MYZAP: variants seen among roughly 807,000 people sequenced by gnomAD.
MYZAP encodes myocardial zonula adherens protein.
In MYZAP, 66 loss-of-function variants were observed where a neutral mutation model predicts 69.4. The ratio of observed to expected loss-of-function variants is 0.95; its 90% confidence interval spans 0.78 to 1.17. The LOEUF (loss-of-function observed/expected upper bound fraction) is 1.17. Among genes scored for constraint, MYZAP ranks in the 50% most tolerant of loss-of-function variants. MYZAP has a pLI of 0.00. For missense variants in MYZAP, 611 were observed against 556.2 expected (o/e 1.10, Z -0.99); for synonymous variants, 256 against 205.9 (o/e 1.24, Z -2.09).
chr15:57,625,728 C>T (rs779359863), intron 4 of MYZAP, 51 bp from the exon 5 acceptor site: 9 of 1,548,646 alleles, frequency 5.8e-6, no homozygotes, highest in Admixed American at 1.7e-5. Flanking sequence ...TGAAGATTGT[C>T]GTGAACGTGT....
At chr15:57,664,074 T>G (rs2038448642) in intron 11 of MYZAP, among the ~76,000 whole-genome samples, 1 of 151,728 alleles carries the variant, frequency 6.6e-6, no homozygotes, top group African/African-American at 2.4e-5. Flanking sequence ...GTTCTTGTTT[T>G]TTTTTTTTTT....
At chr15:57,678,769 G>A (rs1354879209) in intron 12 of MYZAP, among the ~76,000 whole-genome samples, 1 of 152,068 alleles carries the variant, frequency 6.6e-6, no homozygotes, top group African/African-American at 2.4e-5. Flanking sequence ...TTGTAGAATA[G>A]CATGGCCTCT....
rs2035184989 is a variant in MYZAP at position 57,612,739 on chromosome 15, A to G, written c.163-5294A>G. ...TGTAGCTGCTCTTTCTTTCTAAGGCACTGGCTGCCAGATGTATCTTTAGGG... is the reference window on the plus strand; with the variant it reads ...TGTAGCTGCTCTTTCTTTCTAAGGCGCTGGCTGCCAGATGTATCTTTAGGG... On this transcript the variant is annotated intron_variant, in intron 2 of 12. Transcript: ENST00000267853. Among the ~76,000 whole-genome samples, 4 of 152,180 alleles carry G rather than the reference A, an allele frequency of 2.6e-5. No homozygotes were observed. The South Asian group carries it at 8.3e-4, about 32-fold the overall frequency.
chr15:57,679,651 G>A (rs1348825880), intron 12 of MYZAP, among the ~76,000 whole-genome samples: 2 of 152,080 alleles, frequency 1.3e-5, no homozygotes, highest in Admixed American at 1.3e-4. Context: ...TCCTTCTCCA[G>A]CTTCTCTGAT....
chr15:57,664,667 A>T (rs906503330), intron 11 of MYZAP, among the ~76,000 whole-genome samples: 1 of 152,234 alleles, frequency 6.6e-6, no homozygotes, highest in Admixed American at 6.5e-5. Flanking sequence ...ATATCTAATT[A>T]ATACCTCCTA....
At chr15:57,673,506 G>C (rs1247697478) in intron 11 of MYZAP, among the ~76,000 whole-genome samples, 1 of 150,812 alleles carries the variant, frequency 6.6e-6, no homozygotes, top group Non-Finnish European at 1.5e-5. Flanking sequence ...GTGTGTGTGT[G>C]TGTGTGTGTG....
chr15:57,626,760 T>C (rs1242048802), intron 5 of MYZAP, among the ~76,000 whole-genome samples: 1 of 152,252 alleles, frequency 6.6e-6, no homozygotes, highest in Non-Finnish European at 1.5e-5. Context: ...ATGTTGGGAT[T>C]CTCCACTTCC....
chr15:57,599,647 G>A lies in MYZAP; in HGVS notation c.76-4622G>A, dbSNP rs547514399. Reference sequence around the variant, plus strand: ...CTGCCAAGCCTGGGGCATCTCTGGAGATTGTGTATCCGAGTTTCAGGAGAC... The same window carrying A: ...CTGCCAAGCCTGGGGCATCTCTGGAAATTGTGTATCCGAGTTTCAGGAGAC... On this transcript the variant is annotated intron_variant, in intron 1 of 12. Transcript: ENST00000267853. The A allele has an allele frequency of 2.3e-6, 3 of 1,289,224 alleles. No homozygotes were observed. In the African/African-American group the frequency reaches 4.5e-5, roughly 20 times the overall value. The allele number at this position is 1,289,224 out of a possible 1,614,324, so 79.9% of individuals were successfully genotyped here. A position where few individuals can be genotyped will look rare whatever the true frequency, so the allele number is the denominator to read the frequency against.
intron 10 of MYZAP, among the ~76,000 whole-genome samples, chr15:57,655,415 T>G (rs1399201490): frequency 6.6e-6 from 1 of 152,134 alleles, no homozygotes; most frequent in Non-Finnish European, 1.5e-5. Context: ...GCCATGCTAG[T>G]GAGTTCGAAC....
chr15:57,647,131 A>G (rs2037485689), intron 10 of MYZAP: 1 of 985,466 alleles, frequency 1.0e-6, no homozygotes, highest in Non-Finnish European at 1.2e-6. Flanking sequence ...CAAAGCAGGC[A>G]TGAAGCTGCT....
At chr15:57,633,336 A>T (rs2036617595) in intron 7 of MYZAP, among the ~76,000 whole-genome samples, 1 of 152,182 alleles carries the variant, frequency 6.6e-6, no homozygotes, top group African/African-American at 2.4e-5. Context: ...GTTATTAAAC[A>T]TTTGTAGGCC....
chr15:57,618,451 C>T (rs963682417), intron 3 of MYZAP, among the ~76,000 whole-genome samples: 10 of 152,146 alleles, frequency 6.6e-5, no homozygotes, highest in Admixed American at 6.5e-4. Context: ...TTCCTCCTTC[C>T]GTGTAGGGTT....
chr15:57,634,387 G>GA (rs1384207948), intron 8 of MYZAP, among the ~76,000 whole-genome samples: 1 of 152,198 alleles, frequency 6.6e-6, no homozygotes, highest in African/African-American at 2.4e-5. Context: ...TCTGGACCCA[G>GA]GAGTTCAGGG....
chr15:57,666,868 T>TTTTTTC (rs2038597934), intron 11 of MYZAP, among the ~76,000 whole-genome samples: 1 of 152,190 alleles, frequency 6.6e-6, no homozygotes, highest in South Asian at 2.1e-4. Flanking sequence ...ATGCCCATTC[T>TTTTTTC]TTTTTCTTTT....
At chr15:57,645,776 C>G (rs2037412369) in intron 10 of MYZAP, among the ~76,000 whole-genome samples, 1 of 152,202 alleles carries the variant, frequency 6.6e-6, no homozygotes, top group Non-Finnish European at 1.5e-5. Flanking sequence ...TTGTTGGCCA[C>G]ATTCAATCTT....
In MYZAP at chr15:57,685,249, A is replaced by G. The variant is rs1429514755; in HGVS notation, c.*751A>G. The G allele has an allele frequency of 1.3e-5, 2 of 152,194 alleles. No individual in the cohort carries two copies. Among genetic ancestry groups the G allele is most frequent in the Non-Finnish European group, 2.9e-5 (2 of 68,024 alleles). 9.4% of individuals were successfully genotyped at this position (152,194 alleles called of 1,614,324 possible). On this transcript the variant is annotated 3_prime_UTR_variant, in exon 13 of 13. Transcript: ENST00000267853. The stretch of plus-strand genomic sequence containing the variant: ...GGAAATTTAATAATTTAGTGTTCTC[A>G]GTATCAATTGGTGTTTTTGTTAAAC...
At chr15:57,646,709 GC>G in intron 10 of MYZAP, 1 of 986,776 alleles carries the variant, frequency 1.0e-6, no homozygotes, top group Non-Finnish European at 1.2e-6. Context: ...ATGGGAGGTG[GC>G]CCTGAAGGTG....
At chr15:57,670,492 A>G (rs1362746280) in intron 11 of MYZAP, among the ~76,000 whole-genome samples, 2 of 152,090 alleles carry the variant, frequency 1.3e-5, no homozygotes, top group East Asian at 1.9e-4. Context: ...TTTAAAGTAC[A>G]TCTCTTATAG....
At chr15:57,646,698 T>C (rs1595906252) in intron 10 of MYZAP, 3 of 987,782 alleles carry the variant, frequency 3.0e-6, no homozygotes, top group East Asian at 2.2e-4. Flanking sequence ...TCTATTTGTA[T>C]ATGGGAGGTG....
Sources: gnomAD v4.1 joint callset for allele counts (sites outside exome capture counted in the v4.1 genomes callset) on GRCh38, gnomAD v4.1.1 for gene constraint, MANE v1.5 for transcripts, NCBI Gene and HGNC (gene_info 2026-07-23, HGNC 2026-07-21) for gene names.